The following LEMD2 variants were observed in gnomAD, a reference collection of about 807,000 sequenced individuals.
LEMD2 encodes LEM domain nuclear envelope protein 2, also known as LEM domain-containing protein 2.
A neutral mutation model predicts 58.8 loss-of-function variants in LEMD2; 34 were observed. The ratio of observed to expected loss-of-function variants is 0.58; its 90% confidence interval spans 0.44 to 0.77. LEMD2 has a LOEUF of 0.77. Among genes scored for constraint, LEMD2 ranks in the 30% least tolerant of loss-of-function variants. The pLI is 0.00. For synonymous variants in LEMD2, 298 were observed against 308.9 expected (o/e 0.96, Z 0.37); for missense variants, 629 against 717.9 (o/e 0.88, Z 1.42).
chr6:33,776,989 C>G lies in LEMD2; in HGVS notation c.1326G>C (p.Leu442=). The change falls in exon 8 of 9, where the codon CTG becomes CTC. Residue 442 remains leucine (L), a synonymous_variant. Transcript: ENST00000293760. ...GAGGGATCAAGCTGTCGCGCACGTG[C>G]AGGATGCCTACATATGGATAGCGCT... ...DMERYPYVGI[L]HVRDSLIPPQ... 1 of 1,614,122 alleles carries G rather than the reference C, an allele frequency of 6.2e-7. No individual in the cohort carries two copies.
Position 33,777,483 on chromosome 6 carries a change from G to C in LEMD2, c.1157-244C>G, listed in dbSNP as rs573027595. 2.6e-3 allele frequency among the ~76,000 whole-genome samples: 401 copies of C among 152,354 alleles called. 1 individual carries two copies. The highest frequency in any genetic ancestry group is 9.3e-3 in the African/African-American group (385 of 41,574). On this transcript the variant is annotated intron_variant, in intron 6 of 8. Coordinates refer to ENST00000293760, the MANE Select transcript of LEMD2 (RefSeq NM_181336.4). ...CCACAGCGGCATCCCCAGCCGTCCA[G>C]ATCTCGGCTCCTCCCAACCTCATTC... is the stretch of plus-strand genomic sequence containing the variant.
rs1767482262 is a variant in LEMD2, at chr6:33,778,256, A to C, written c.1142T>G (p.Leu381Arg). 6.3e-6 allele frequency: 10 copies of C among 1,599,246 alleles called. No individual in the cohort carries two copies. Among genetic ancestry groups the C allele is most frequent in the Non-Finnish European group, 8.5e-6 (10 of 1,171,976 alleles). The change falls in exon 6 of 9, where the codon CTC becomes CGC. Residue 381 changes from leucine to arginine, a missense_variant. Leu to Arg is a moderately radical substitution (Grantham distance 102). This residue lies in a region of LEMD2 where 243 missense variants were observed against 336.8 expected (regional missense o/e 0.72). Transcript: ENST00000293760. This position sits in a 1 kb window ranked among gnomAD's most constrained non-coding sequence, Gnocchi z 4.7. The stretch of plus-strand genomic sequence containing the variant: ...CGAGGACTTACACCAGAAGAAGATG[A>C]GCACGTTGGTGACAGCAGTGAGCAA... ...RALLTAVTNV[L>R]IFFWCLAFLW... is the part of the protein sequence containing the mutation.
intron 6 of LEMD2, among the ~76,000 whole-genome samples, chr6:33,777,850 G>A (rs1767471614): frequency 6.6e-6 from 1 of 152,178 alleles, no homozygotes; most frequent in South Asian, 2.1e-4. Flanking sequence ...CTCTCCAGGA[G>A]ATGTTTATAT....
At chr6:33,786,391 G>A (rs1422545950) in intron 2 of LEMD2, among the ~76,000 whole-genome samples, 2 of 152,098 alleles carry the variant, frequency 1.3e-5, no homozygotes, top group African/African-American at 2.4e-5. Context: ...TAGAAACGCC[G>A]GCCCTTCCTC....
At chr6:33,787,044 C>T in intron 1 of LEMD2, 1 of 511,010 alleles carries the variant, frequency 2.0e-6, no homozygotes. Flanking sequence ...CCACTCTGAA[C>T]CTCTGTCTCC....
intron 8 of LEMD2, among the ~76,000 whole-genome samples, chr6:33,773,434 T>A (rs1767350041): frequency 6.6e-6 from 1 of 152,156 alleles, no homozygotes; most frequent in African/African-American, 2.4e-5. Flanking sequence ...CACTTTGATC[T>A]TCTCCCTTTG....
rs777453825 is a variant in LEMD2, at chr6:33,784,354, G to A, written c.851C>T (p.Ala284Val). 1 of 1,609,370 alleles carries A rather than the reference G, an allele frequency of 6.2e-7. No homozygotes were observed. Among genetic ancestry groups the A allele is most frequent in the Non-Finnish European group, 8.5e-7 (1 of 1,177,042 alleles). The change falls in exon 3 of 9, where the codon GCT becomes GTT. Residue 284 changes from alanine (A) to valine (V), a missense_variant and splice_region_variant. By Grantham distance (64) the Ala-to-Val change is moderately conservative (BLOSUM62 0). Around this residue, in one of 2 missense-constraint regions of LEMD2, gnomAD observed 243 missense variants for 336.8 expected, o/e 0.72. Coordinates refer to ENST00000293760, the MANE Select transcript of LEMD2 (RefSeq NM_181336.4). ...HELYNFLAIQ[A>V]GNFECGNPEN... ...CAGGACTTACGTGACTTACTCACCA[G>A]CTTGGATGGCCAGGAAATTGTAGAG...
intron 8 of LEMD2, among the ~76,000 whole-genome samples, chr6:33,776,026 C>T (rs546150036): frequency 1.3e-5 from 2 of 152,208 alleles, no homozygotes; most frequent in African/African-American, 4.8e-5. Context: ...TGCCCTCCCC[C>T]ACCCTGGTTC....
In LEMD2 at chr6:33,771,433, A is replaced by T. The variant is rs913953442; in HGVS notation, c.*1195T>A. On this transcript the variant is annotated 3_prime_UTR_variant, in exon 9 of 9. Transcript: ENST00000293760. Reference sequence around the variant, plus strand: ...TGGAGCTTTATTAAGGAAACAAAAAATACCAGTAAGACTAGAGAGGGGTGG... The same window carrying T: ...TGGAGCTTTATTAAGGAAACAAAAATTACCAGTAAGACTAGAGAGGGGTGG... 2.0e-5 allele frequency: 3 copies of T among 152,248 alleles called. No homozygotes were observed. Among genetic ancestry groups the T allele is most frequent in the African/African-American group, 7.2e-5 (3 of 41,468 alleles). 9.4% of individuals were successfully genotyped at this position (152,248 alleles called of 1,614,324 possible).
Position 33,772,447 on chromosome 6 carries a change from C to CCACATTTA in LEMD2, c.*180_*181insTAAATGTG. 1.8e-6 allele frequency: 1 copy of CCACATTTA among 556,044 alleles called. No homozygotes were observed. The highest frequency in any genetic ancestry group is 3.1e-6 in the Non-Finnish European group (1 of 322,408). The allele number at this position is 556,044 out of a possible 1,614,324, so 34.4% of individuals were successfully genotyped here. A position where few individuals can be genotyped will look rare whatever the true frequency, so the allele number is the denominator to read the frequency against. On this transcript the variant is annotated 3_prime_UTR_variant, in exon 9 of 9. Transcript: ENST00000293760. ...TTCTCCCCCTCCCTTTAAAGGAAGC[C>CCACATTTA]CACATTTTCCTGCGAGCCGAACTCC...
At chr6:33,780,513 G>A (rs925056386) in intron 4 of LEMD2, among the ~76,000 whole-genome samples, 1 of 152,222 alleles carries the variant, frequency 6.6e-6, no homozygotes, top group African/African-American at 2.4e-5. Context: ...GTTGTGGCTG[G>A]GGGTGGGTGA....
intron 1 of LEMD2, chr6:33,786,989 T>C: frequency 9.3e-7 from 1 of 1,073,180 alleles, no homozygotes. Flanking sequence ...GCTGGGTCCT[T>C]GTCCCAGCTG....
At chr6:33,772,851 G>A (rs1286839582) in intron 8 of LEMD2, 73 bp from the exon 9 acceptor site, 6 of 1,375,814 alleles carry the variant, frequency 4.4e-6, no homozygotes, top group Non-Finnish European at 6.0e-6. Context: ...CTCCTACAAA[G>A]GGCACACATT....
At chr6:33,779,411 G>C (rs1413944639) in intron 5 of LEMD2, 3 of 152,116 alleles carry the variant, frequency 2.0e-5, no homozygotes, top group Non-Finnish European at 4.4e-5. Context: ...CAAAACTCTA[G>C]AGACGTTTTA....
At chr6:33,774,709 C>T (rs112221933) in intron 8 of LEMD2, among the ~76,000 whole-genome samples, 32,611 of 152,010 alleles carry the variant, frequency 0.21, 3,702 homozygotes, top group Admixed American at 0.29. Flanking sequence ...AGATTACAGG[C>T]ATGAGCCACC....
intron 3 of LEMD2, chr6:33,781,399 T>G (rs1162085257): frequency 2.0e-6 from 1 of 498,138 alleles, no homozygotes; most frequent in East Asian, 3.2e-5. Flanking sequence ...ACTAAAAAGC[T>G]GCCCAATAGC....
chr6:33,788,239 G>T, intron 1 of LEMD2, 142 bp downstream of exon 1: 1 of 876,230 alleles, frequency 1.1e-6, no homozygotes, highest in Non-Finnish European at 1.6e-6. Context: ...ACAGCTGGAA[G>T]AAGGCAGGCC....
chr6:33,786,350 T>C (rs915372606), intron 2 of LEMD2, among the ~76,000 whole-genome samples: 2 of 152,144 alleles, frequency 1.3e-5, no homozygotes, highest in African/African-American at 4.8e-5. Context: ...AGACAGAGAA[T>C]GTGGAATTGA....
In LEMD2 at chr6:33,789,001, C is replaced by T. The variant is rs1258333109; in HGVS notation, c.116G>A (p.Arg39Gln). ...CTCGTCGCGCAGCCGGGCCTCGCCC[C>T]GCAGGCGGCGCAGCTTGTTGCGGTA... ...DVYRNKLRRL[R>Q]GEARLRDEER... Residue 39 changes from arginine to glutamine, a missense_variant, in exon 1 of 9, where the codon CGG becomes CAG. Coordinates refer to ENST00000293760, the MANE Select transcript of LEMD2 (RefSeq NM_181336.4). The T allele has an allele frequency of 6.4e-7, 1 of 1,551,206 alleles. No individual in the cohort carries two copies. Among genetic ancestry groups the T allele is most frequent in the Non-Finnish European group, 8.7e-7 (1 of 1,155,966 alleles).
Sources: allele counts gnomAD v4.1 joint callset (sites outside exome capture counted in the v4.1 genomes callset), GRCh38; gene constraint gnomAD v4.1.1; regional missense constraint gnomAD v4.1.1; non-coding constraint Gnocchi (gnomAD v3.1); transcripts MANE v1.5; gene names NCBI Gene and HGNC (gene_info 2026-07-23, HGNC 2026-07-21).